Variants in SUGCT observed in about 807,000 individuals in gnomAD.
SUGCT encodes succinyl-CoA:glutarate-CoA transferase.
In SUGCT, 41 loss-of-function variants were observed where a neutral mutation model predicts 55.0. That is an observed-to-expected ratio of 0.74 (90% CI 0.58 to 0.97). The LOEUF is 0.97. Ranked by LOEUF, SUGCT falls within the 50% of genes least tolerant of loss-of-function variation. The pLI is 0.00. For missense variants in SUGCT, 568 were observed against 547.8 expected, an observed-to-expected ratio of 1.04 and a Z score of -0.37; for synonymous variants, 187 against 200.4, an observed-to-expected ratio of 0.93 and a Z score of 0.56.
At chr7:41,016,907 C>T in the SUGCT span, among the ~76,000 whole-genome samples, 1 of 152,180 alleles carries the variant, frequency 6.6e-6, no homozygotes, top group African/African-American at 2.4e-5. Flanking sequence ...CAGGTTCTTT[C>T]CTTGATTCAA....
chr7:40,985,249 T>C, the SUGCT span, among the ~76,000 whole-genome samples: 2 of 152,192 alleles, frequency 1.3e-5, no homozygotes, highest in Non-Finnish European at 2.9e-5. Flanking sequence ...AGGAGCAGTT[T>C]GTGATTCATT....
intron 9 of SUGCT, among the ~76,000 whole-genome samples, chr7:40,439,958 G>A (rs943735330): frequency 6.6e-6 from 1 of 152,086 alleles, no homozygotes; most frequent in South Asian, 2.1e-4. Context: ...GCATTCTTCA[G>A]TCCTCATCTT....
chr7:40,400,861 A>C (rs1786025365), intron 9 of SUGCT, among the ~76,000 whole-genome samples: 1 of 152,144 alleles, frequency 6.6e-6, no homozygotes, highest in East Asian at 1.9e-4. Context: ...CTGTACCCTA[A>C]AGGAGTGATG....
At chr7:40,340,718 A>G (rs1230410396) in intron 9 of SUGCT, among the ~76,000 whole-genome samples, 2 of 152,212 alleles carry the variant, frequency 1.3e-5, no homozygotes, top group Non-Finnish European at 2.9e-5. Flanking sequence ...GGAATTCAAG[A>G]CACAGCACAA....
chr7:40,904,632 T>A, the SUGCT span, among the ~76,000 whole-genome samples: 2 of 152,134 alleles, frequency 1.3e-5, no homozygotes, highest in Non-Finnish European at 2.9e-5. Context: ...GGTGATGATG[T>A]TTGCACAGCA....
intron 12 of SUGCT, among the ~76,000 whole-genome samples, chr7:40,667,806 T>C (rs908094669): frequency 1.6e-4 from 24 of 152,134 alleles, no homozygotes; most frequent in African/African-American, 5.6e-4. Flanking sequence ...ACCTTTGTTG[T>C]TTCTGATTGT....
chr7:40,939,860 G>T, the SUGCT span, among the ~76,000 whole-genome samples: 1 of 151,286 alleles, frequency 6.6e-6, no homozygotes, highest in East Asian at 2.0e-4. Flanking sequence ...TGTCTCTTTT[G>T]CTGTGGAGAA....
the SUGCT span, among the ~76,000 whole-genome samples, chr7:40,926,053 A>T: frequency 1.3e-5 from 2 of 151,954 alleles, no homozygotes; most frequent in East Asian, 3.9e-4. Context: ...TGATCCCATG[A>T]TCACGCCACT....
chr7:40,529,155 C>T (rs1793957183), intron 12 of SUGCT, among the ~76,000 whole-genome samples: 1 of 152,190 alleles, frequency 6.6e-6, no homozygotes. Flanking sequence ...CTTCTCCATC[C>T]TGTCACCCTT....
rs369898581 is a variant in SUGCT, at chr7:40,163,739, A to G, written c.101-17208A>G. Among the ~76,000 whole-genome samples the G allele has an allele frequency of 9.9e-5, 15 of 152,144 alleles. No individual in the cohort carries two copies. In the East Asian group the frequency reaches 2.7e-3, roughly 27 times the overall value. ...AGGATTTATACCCAAAACACTACCA[A>G]TTATTACCTTTAAGTGACGAAAAAA... On this transcript the variant is annotated intron_variant, in intron 1 of 13. Transcript: ENST00000335693.
chr7:40,686,172 T>A (rs1415849499), intron 12 of SUGCT, among the ~76,000 whole-genome samples: 1 of 152,152 alleles, frequency 6.6e-6, no homozygotes, highest in African/African-American at 2.4e-5. Flanking sequence ...TTGTTTCCCT[T>A]TTTTTGCTTC....
intron 12 of SUGCT, among the ~76,000 whole-genome samples, chr7:40,502,376 T>G (rs1376742982): frequency 6.6e-6 from 1 of 152,014 alleles, no homozygotes; most frequent in Admixed American, 6.6e-5. Context: ...TAAAGAGTAA[T>G]TAGTACCAGC....
At chr7:40,968,572 G>T in the SUGCT span, among the ~76,000 whole-genome samples, 2 of 152,332 alleles carry the variant, frequency 1.3e-5, no homozygotes, top group East Asian at 1.9e-4. Flanking sequence ...CCAAGGTGAG[G>T]TTCAGCTCCT....
chr7:40,283,720 G>T (rs1793121849), intron 8 of SUGCT, among the ~76,000 whole-genome samples: 1 of 152,142 alleles, frequency 6.6e-6, no homozygotes, highest in Non-Finnish European at 1.5e-5. Context: ...CACACTATTA[G>T]TGGGAATGTA....
At chr7:40,977,609 A>G in the SUGCT span, among the ~76,000 whole-genome samples, 2 of 152,158 alleles carry the variant, frequency 1.3e-5, no homozygotes, top group African/African-American at 4.8e-5. Context: ...ACAAGCTTAC[A>G]AGGTGGCTGC....
chr7:40,711,969 C>T (rs1785748287), intron 12 of SUGCT, among the ~76,000 whole-genome samples: 1 of 152,212 alleles, frequency 6.6e-6, no homozygotes, highest in Admixed American at 6.5e-5. Context: ...TCCTCACTCT[C>T]ATTCAGTTCT....
At chr7:40,158,306 C>T (rs1783994913) in intron 1 of SUGCT, among the ~76,000 whole-genome samples, 1 of 152,282 alleles carries the variant, frequency 6.6e-6, no homozygotes, top group South Asian at 2.1e-4. Flanking sequence ...ATATTCCTCA[C>T]CCAAGTGTAA....
intron 12 of SUGCT, among the ~76,000 whole-genome samples, chr7:40,643,531 A>T (rs1039590877): frequency 6.6e-6 from 1 of 152,198 alleles, no homozygotes; most frequent in African/African-American, 2.4e-5. Context: ...GTCCCATTCA[A>T]CAAGAACACC....
the SUGCT span, among the ~76,000 whole-genome samples, chr7:40,940,100 C>A: frequency 1.3e-5 from 2 of 152,028 alleles, no homozygotes; most frequent in East Asian, 3.9e-4. Flanking sequence ...ATGTGGCTAC[C>A]CAGTTTTCCC....
Sources: allele counts gnomAD v4.1 joint callset (sites outside exome capture counted in the v4.1 genomes callset), GRCh38; gene constraint gnomAD v4.1.1; transcripts MANE v1.5; gene names NCBI Gene and HGNC (gene_info 2026-07-23, HGNC 2026-07-21).